Variants in ERBB4 observed in about 807,000 individuals in gnomAD.
The protein encoded by ERBB4 is erb-b2 receptor tyrosine kinase 4, also known as receptor tyrosine-protein kinase erbB-4.
ERBB4 carries 42 observed loss-of-function variants against 158.0 expected under a neutral mutation model. That is an observed-to-expected ratio of 0.27 (90% confidence interval 0.21 to 0.34). ERBB4 has a LOEUF of 0.34. Among genes scored for constraint, ERBB4 ranks in the 10% least tolerant of loss-of-function variants. The pLI is 1.00. For synonymous variants in ERBB4, 583 were observed against 558.7 expected (o/e 1.04, Z -0.61); for missense variants, 1,333 against 1,624.1 (o/e 0.82, Z 3.08).
chr2:211,567,611 G>A (rs1330390648), intron 19 of ERBB4, among the ~76,000 whole-genome samples: 3 of 152,060 alleles, frequency 2.0e-5, no homozygotes, highest in Non-Finnish European at 4.4e-5. Context: ...AAAGTCACAC[G>A]GAAGCTCTCT....
intron 19 of ERBB4, among the ~76,000 whole-genome samples, chr2:211,571,035 C>CTCTTTTTTTTTTT (rs1553571913): frequency 2.5e-5 from 2 of 81,218 alleles, no homozygotes; most frequent in African/African-American, 1.0e-4. Context: ...TCTGAGTACT[C>CTCTTTTTTTTTTT]TTCTTCTTTT....
chr2:211,796,537 T>C (rs764200229), intron 3 of ERBB4, among the ~76,000 whole-genome samples: 1 of 151,972 alleles, frequency 6.6e-6, no homozygotes, highest in African/African-American at 2.4e-5. Context: ...ATTTAACTTA[T>C]TTATATGCCC....
intron 12 of ERBB4, among the ~76,000 whole-genome samples, chr2:211,686,022 T>G (rs2072550803): frequency 6.6e-6 from 1 of 152,188 alleles, no homozygotes; most frequent in African/African-American, 2.4e-5. Flanking sequence ...TTTGTAGATT[T>G]TTTGAAATTT....
intron 20 of ERBB4, among the ~76,000 whole-genome samples, chr2:211,541,958 G>A (rs1159485354): frequency 6.6e-6 from 1 of 151,926 alleles, no homozygotes; most frequent in Non-Finnish European, 1.5e-5. Flanking sequence ...AGACTGACTG[G>A]AGCAAAACCA....
rs1435602161 is a variant in ERBB4 at position 211,421,858 on chromosome 2, C to G, written c.2964+149G>C. ...TGGATCTGACGTGAAATAAAAAGCT[C>G]TTTTCCATAAGTCATGTCACATGAT... On this transcript the variant is annotated intron_variant, in intron 24 of 27. Transcript: ENST00000342788. 8 of 666,742 alleles carry G rather than the reference C, an allele frequency of 1.2e-5. No homozygotes were observed. In the Admixed American group the frequency reaches 1.8e-4, roughly 15 times the overall value. The allele number at this position is 666,742 out of a possible 1,614,324, so 41.3% of individuals were successfully genotyped here.
chr2:211,997,872 C>G (rs2082236273), intron 2 of ERBB4, among the ~76,000 whole-genome samples: 1 of 145,280 alleles, frequency 6.9e-6, no homozygotes, highest in Non-Finnish European at 1.5e-5. Context: ...TTTCATATAG[C>G]CTATCAATCA....
chr2:212,121,758 G>C (rs1199781563), intron 2 of ERBB4, among the ~76,000 whole-genome samples: 3 of 152,030 alleles, frequency 2.0e-5, no homozygotes, highest in Non-Finnish European at 2.9e-5. Flanking sequence ...TATATTCCTA[G>C]TGTCTAAAAC....
rs1017937491 is a variant in ERBB4 at position 211,706,446 on chromosome 2, G to A, written c.1125-1055C>T. ...GCCTATGTCCTGGGGATTTGTGTCT[G>A]AATCCATTGGCATTTATTCATGCCA... is the stretch of plus-strand genomic sequence containing the variant. On this transcript the variant is annotated intron_variant, in intron 9 of 27. Coordinates refer to ENST00000342788, the MANE Select transcript of ERBB4 (RefSeq NM_005235.3). 6.6e-5 allele frequency among the ~76,000 whole-genome samples: 10 copies of A among 152,120 alleles called. No homozygotes were observed. In the East Asian group the frequency reaches 1.7e-3, roughly 26 times the overall value.
intron 2 of ERBB4, among the ~76,000 whole-genome samples, chr2:212,123,782 T>G (rs916892223): frequency 6.6e-6 from 1 of 152,218 alleles, no homozygotes; most frequent in Non-Finnish European, 1.5e-5. Context: ...TATCTAAGTA[T>G]AGAATTATTA....
At chr2:212,447,187 C>T (rs182317197) in intron 1 of ERBB4, among the ~76,000 whole-genome samples, 23 of 151,718 alleles carry the variant, frequency 1.5e-4, no homozygotes, top group Admixed American at 1.1e-3. Flanking sequence ...TTAGTAGAGA[C>T]GGGGTTTCAT....
intron 20 of ERBB4, among the ~76,000 whole-genome samples, chr2:211,445,373 A>G (rs1002892870): frequency 1.3e-5 from 2 of 152,140 alleles, no homozygotes; most frequent in African/African-American, 2.4e-5. Flanking sequence ...GACCTTACCA[A>G]TGAGGTTAAA....
intron 1 of ERBB4, among the ~76,000 whole-genome samples, chr2:212,403,926 C>A (rs1441824340): frequency 2.0e-5 from 3 of 151,966 alleles, no homozygotes; most frequent in African/African-American, 7.2e-5. Context: ...TTTAGGCAGG[C>A]CTGCTAGCCA....
intron 4 of ERBB4, chr2:211,777,823 C>T (rs2075922555): frequency 1.3e-5 from 2 of 152,168 alleles, no homozygotes; most frequent in Non-Finnish European, 2.9e-5. Context: ...CTTCTACCGT[C>T]CTCTTACCCA....
intron 1 of ERBB4, among the ~76,000 whole-genome samples, chr2:212,464,576 C>G (rs1181055941): frequency 6.6e-6 from 1 of 151,962 alleles, no homozygotes; most frequent in African/African-American, 2.4e-5. Flanking sequence ...TTTCATGGAT[C>G]GTAGTTTCAA....
chr2:211,995,287 C>T (rs1378045123), intron 2 of ERBB4, among the ~76,000 whole-genome samples: 1 of 152,152 alleles, frequency 6.6e-6, no homozygotes, highest in Non-Finnish European at 1.5e-5. Context: ...ACTGTCCTGG[C>T]TAATTTGAAA....
At chr2:211,804,521 T>C (rs894966040) in intron 3 of ERBB4, among the ~76,000 whole-genome samples, 1 of 152,194 alleles carries the variant, frequency 6.6e-6, no homozygotes, top group Non-Finnish European at 1.5e-5. Context: ...AAAAAGTCTT[T>C]CCAATAGTCA....
chr2:211,970,101 C>T (rs2081409835), intron 2 of ERBB4, among the ~76,000 whole-genome samples: 1 of 152,036 alleles, frequency 6.6e-6, no homozygotes, highest in African/African-American at 2.4e-5. Context: ...TATCTTTGTT[C>T]TCATTAGTTT....
chr2:212,374,448 TTC>T (rs141369651), intron 1 of ERBB4, among the ~76,000 whole-genome samples: 13,533 of 151,956 alleles, frequency 0.089, 698 homozygotes, highest in Admixed American at 0.12. Flanking sequence ...TTCCCATAAT[TTC>T]TCTGTGACCA....
chr2:212,383,205 C>G (rs912699783), intron 1 of ERBB4, among the ~76,000 whole-genome samples: 1 of 151,308 alleles, frequency 6.6e-6, no homozygotes, highest in Non-Finnish European at 1.5e-5. Flanking sequence ...AAAGACCTAA[C>G]GTATTTCTTT....
Sources: gnomAD v4.1 joint callset for allele counts (sites outside exome capture counted in the v4.1 genomes callset) on GRCh38, gnomAD v4.1.1 for gene constraint, MANE v1.5 for transcripts, NCBI Gene and HGNC (gene_info 2026-07-23, HGNC 2026-07-21) for gene names.